Variants in EEF1E1 observed in about 807,000 individuals in gnomAD.
EEF1E1 encodes eukaryotic translation elongation factor 1 epsilon 1.
EEF1E1 carries 19 observed loss-of-function variants against 19.9 expected under a neutral mutation model. The ratio of observed to expected loss-of-function variants is 0.95; its 90% CI spans 0.66 to 1.40. The LOEUF (loss-of-function observed/expected upper bound fraction) is 1.40. EEF1E1 is among the 40% of genes most tolerant of loss of function. The pLI, the probability that EEF1E1 is intolerant of heterozygous loss-of-function variation, is 0.00. For synonymous variants in EEF1E1, 81 were observed against 80.0 expected (o/e 1.01, Z -0.07); for missense variants, 198 against 202.2 (o/e 0.98, Z 0.13).
chr6:8,097,676 A>G (rs1443442009), intron 1 of EEF1E1, among the ~76,000 whole-genome samples: 1 of 152,240 alleles, frequency 6.6e-6, no homozygotes, highest in Non-Finnish European at 1.5e-5. Context: ...TGAAACTGGT[A>G]ATAACATTGC....
intron 2 of EEF1E1, chr6:8,095,276 G>A (rs546287182): frequency 4.7e-5 from 13 of 274,946 alleles, no homozygotes; most frequent in Middle Eastern, 1.4e-3. Context: ...TGAGGTGGGC[G>A]GATCATTTGA....
chr6:8,080,092 A>G (rs1357164543), intron 3 of EEF1E1, 62 bp from the exon 4 acceptor site: 2 of 1,558,478 alleles, frequency 1.3e-6, no homozygotes, highest in Non-Finnish European at 1.8e-6. Flanking sequence ...AACTGTTAAT[A>G]TCACTTAAGT....
intron 1 of EEF1E1, among the ~76,000 whole-genome samples, chr6:8,099,792 A>ACACACACACACACACACAC (rs1554099745): frequency 1.3e-5 from 1 of 78,440 alleles, no homozygotes; most frequent in African/African-American, 5.4e-5. Context: ...ACACACACAC[A>ACACACACACACACACACAC]AAAAAAAAAC....
At chr6:8,102,366 G>A (rs1462854704) in intron 1 of EEF1E1, 69 bp downstream of exon 1, 4 of 1,493,006 alleles carry the variant, frequency 2.7e-6, no homozygotes, top group Non-Finnish European at 3.6e-6. Flanking sequence ...GCCGGCCCGG[G>A]TCCTGCCAGG....
At chr6:8,102,109 C>A in intron 1 of EEF1E1, 1 of 1,257,062 alleles carries the variant, frequency 8.0e-7, no homozygotes. Flanking sequence ...AAGCCAGTTA[C>A]TGAATACATT....
chr6:8,079,867 C>A lies in EEF1E1; in HGVS notation c.*23G>T. 1 of 1,599,534 alleles carries A rather than the reference C, an allele frequency of 6.3e-7. No homozygotes were observed. The highest frequency in any genetic ancestry group is 1.1e-5 in the South Asian group (1 of 89,618). On this transcript the variant is annotated 3_prime_UTR_variant, in exon 4 of 4. Transcript: ENST00000379715. Reference sequence around the variant, plus strand: ...TCCATTTAAAACATTTTTAATAGATCTTCTGTATGGCATGGACAGCTTCTA... The same window carrying A: ...TCCATTTAAAACATTTTTAATAGATATTCTGTATGGCATGGACAGCTTCTA...
In EEF1E1 at chr6:8,094,725, C is replaced by T. The variant is rs79434630; in HGVS notation, c.288+2542G>A. Among the ~76,000 whole-genome samples, 310 of 152,250 alleles carry T rather than the reference C, an allele frequency of 2.0e-3. 11 individuals carry two copies. In the East Asian group the frequency reaches 0.055, roughly 27 times the overall value. On this transcript the variant is annotated intron_variant, in intron 2 of 3. Transcript: ENST00000379715. ...CGCAGGTTGGAATTGCACAGGTCCA[C>T]TTAAACACAAATTTTCTTCTACCTC... is the stretch of plus-strand genomic sequence containing the variant.
intron 3 of EEF1E1, among the ~76,000 whole-genome samples, chr6:8,089,611 G>A (rs2113651616): frequency 6.6e-6 from 1 of 152,134 alleles, no homozygotes; most frequent in Non-Finnish European, 1.5e-5. Context: ...GATTAAGGTT[G>A]GGTCTGCCTT....
At chr6:8,087,390 G>A (rs1204039083) in intron 3 of EEF1E1, among the ~76,000 whole-genome samples, 1 of 152,216 alleles carries the variant, frequency 6.6e-6, no homozygotes, top group African/African-American at 2.4e-5. Flanking sequence ...GCTGATTTTT[G>A]TAGTTTTACT....
intron 2 of EEF1E1, among the ~76,000 whole-genome samples, chr6:8,091,001 C>T (rs1757998672): frequency 6.6e-6 from 1 of 152,216 alleles, no homozygotes; most frequent in African/African-American, 2.4e-5. Flanking sequence ...AGCGTACAAA[C>T]ATCTCTTCAA....
At chr6:8,075,904 A>G (rs193272050), downstream of EEF1E1, among the ~76,000 whole-genome samples, 1 of 152,162 alleles carries the variant, frequency 6.6e-6, no homozygotes, top group African/African-American at 2.4e-5. Flanking sequence ...TCTCATCTCT[A>G]CAGTGTTCAC....
chr6:8,100,250 C>T (rs1159082897), intron 1 of EEF1E1, among the ~76,000 whole-genome samples: 1 of 152,210 alleles, frequency 6.6e-6, no homozygotes, highest in Non-Finnish European at 1.5e-5. Flanking sequence ...CTGCCCTAAA[C>T]TTCCCAATCC....
At chr6:8,096,705 AT>A (rs917624610) in intron 2 of EEF1E1, among the ~76,000 whole-genome samples, 6 of 151,658 alleles carry the variant, frequency 4.0e-5, no homozygotes, top group African/African-American at 9.7e-5. Flanking sequence ...TTCATTTGGA[AT>A]TTTTTTTTAT....
At chr6:8,087,837 A>C (rs988719448) in intron 3 of EEF1E1, among the ~76,000 whole-genome samples, 3 of 152,242 alleles carry the variant, frequency 2.0e-5, no homozygotes, top group African/African-American at 7.2e-5. Flanking sequence ...GCTGGAAATC[A>C]GGATCTGATT....
chr6:8,089,503 G>A (rs1353752050), intron 3 of EEF1E1, among the ~76,000 whole-genome samples: 2 of 152,160 alleles, frequency 1.3e-5, no homozygotes, highest in Non-Finnish European at 2.9e-5. Context: ...TCCAGCACGG[G>A]AGAAAGACGT....
intron 1 of EEF1E1, chr6:8,101,633 C>A: frequency 2.7e-6 from 2 of 738,550 alleles, no homozygotes; most frequent in Non-Finnish European, 3.7e-6. Flanking sequence ...GAAAAAATCT[C>A]AAAGGAGCAA....
rs754252957 is a variant in EEF1E1, at chr6:8,090,270, T to C, written c.300A>G (p.Ser100=). 1.3e-6 allele frequency: 2 copies of C among 1,482,918 alleles called. No individual in the cohort carries two copies. The highest frequency in any genetic ancestry group is 2.6e-5 in the East Asian group (1 of 37,986). 91.9% of individuals were successfully genotyped at this position (1,482,918 alleles called of 1,614,324 possible). The change falls in exon 3 of 4, where the codon TCA becomes TCG. Residue 100 remains serine (S), a synonymous_variant. Transcript: ENST00000379715. The stretch of plus-strand genomic sequence containing the variant: ...TAAGGTAGACTTTATCTTCAAGATA[T>C]GAATTAAGATCCTAGAAAAAAGAAA... ...DIHTLLKDLN[S]YLEDKVYLTG...
In EEF1E1 at chr6:8,102,498, C is replaced by G; in HGVS notation, c.24G>C (p.Ser8=). Residue 8 remains serine, a synonymous_variant, in exon 1 of 4, where the codon TCG becomes TCC. Transcript: ENST00000379715. ...TCAGTCCCAGGGACTTCTCCAGTAG[C>G]GACAACTCTGCGGCCGCCGCCATCT... is the stretch of plus-strand genomic sequence containing the variant. The part of the protein sequence containing the change: MAAAAEL[S]LLEKSLGLSK... The G allele has an allele frequency of 4.3e-6, 7 of 1,611,876 alleles. No individual in the cohort carries two copies. The highest frequency in any genetic ancestry group is 5.9e-6 in the Non-Finnish European group (7 of 1,179,974).
chr6:8,076,477 C>T (rs113732492), downstream of EEF1E1, among the ~76,000 whole-genome samples: 5 of 151,968 alleles, frequency 3.3e-5, no homozygotes, highest in African/African-American at 1.2e-4. Flanking sequence ...GCGCCCACCA[C>T]CACGCCCGGC....
Sources: gnomAD v4.1 joint callset for allele counts (sites outside exome capture counted in the v4.1 genomes callset) on GRCh38, gnomAD v4.1.1 for gene constraint, MANE v1.5 for transcripts, NCBI Gene and HGNC (gene_info 2026-07-23, HGNC 2026-07-21) for gene names.